ADGRB3: variants seen among roughly 807,000 people sequenced by gnomAD.
The protein encoded by ADGRB3 is brain-specific angiogenesis inhibitor 3.
A neutral mutation model predicts 193.4 loss-of-function variants in ADGRB3; 37 were observed. The ratio of observed to expected loss-of-function variants is 0.19; its 90% CI spans 0.15 to 0.25. The LOEUF (loss-of-function observed/expected upper bound fraction) is 0.25. ADGRB3 is among the 10% of genes least tolerant of loss of function. ADGRB3 has a pLI of 1.00. For synonymous variants in ADGRB3, 690 were observed against 644.2 expected (o/e 1.07, Z -1.08); for missense variants, 1,637 against 1,852.9 (o/e 0.88, Z 2.14).
intron 17 of ADGRB3, among the ~76,000 whole-genome samples, chr6:69,152,701 T>C (rs990462073): frequency 1.3e-5 from 2 of 152,222 alleles, no homozygotes; most frequent in Non-Finnish European, 1.5e-5. Flanking sequence ...TAAAAGTTGA[T>C]CCATCACAAA....
intron 3 of ADGRB3, among the ~76,000 whole-genome samples, chr6:68,826,159 T>C (rs1767840296): frequency 6.6e-6 from 1 of 152,154 alleles, no homozygotes; most frequent in African/African-American, 2.4e-5. Context: ...AAAGTCTCCA[T>C]TTTAGTAGGG....
chr6:69,285,242 G>T (rs1459063749), intron 20 of ADGRB3, among the ~76,000 whole-genome samples: 1 of 152,178 alleles, frequency 6.6e-6, no homozygotes, highest in Non-Finnish European at 1.5e-5. Context: ...ACAGAAACTA[G>T]CCTATGATGC....
At chr6:68,824,858 C>T (rs1767813213) in intron 3 of ADGRB3, among the ~76,000 whole-genome samples, 2 of 151,308 alleles carry the variant, frequency 1.3e-5, no homozygotes, top group Non-Finnish European at 1.5e-5. Flanking sequence ...TAATCTGAAC[C>T]TCCTTTTTCT....
intron 13 of ADGRB3, among the ~76,000 whole-genome samples, chr6:69,021,759 A>G (rs556711294): frequency 6.6e-6 from 1 of 152,014 alleles, no homozygotes; most frequent in African/African-American, 2.4e-5. Context: ...CTTTCTTCAA[A>G]AATAGTTCAA....
Position 69,354,224 on chromosome 6 carries a change from T to C in ADGRB3, c.3460-9T>C. 6.2e-7 allele frequency: 1 copy of C among 1,605,810 alleles called. No homozygotes were observed. The highest frequency in any genetic ancestry group is 8.5e-7 in the Non-Finnish European group (1 of 1,172,568). On this transcript the variant is annotated splice_polypyrimidine_tract_variant and intron_variant, in intron 26 of 31. Transcript: ENST00000370598. Reference sequence around the variant, plus strand: ...GAGAAGAAAATTAATGTGTTCCCCCTCCCCACAGGTTCAGGATGCATTTAG... The same window carrying C: ...GAGAAGAAAATTAATGTGTTCCCCCCCCCCACAGGTTCAGGATGCATTTAG...
chr6:68,996,305 A>T (rs1339659563), intron 11 of ADGRB3, among the ~76,000 whole-genome samples: 1 of 151,818 alleles, frequency 6.6e-6, no homozygotes, highest in African/African-American at 2.4e-5. Context: ...AGCCTACATG[A>T]TTTCTGTGGC....
chr6:68,938,821 T>C (rs1355419057), intron 5 of ADGRB3, among the ~76,000 whole-genome samples: 1 of 152,198 alleles, frequency 6.6e-6, no homozygotes, highest in Non-Finnish European at 1.5e-5. Context: ...TCAAGTTTTA[T>C]GTCCTTGACA....
At chr6:69,367,323 T>G (rs1174999534) in intron 29 of ADGRB3, among the ~76,000 whole-genome samples, 2 of 152,072 alleles carry the variant, frequency 1.3e-5, no homozygotes, top group Admixed American at 1.3e-4. Flanking sequence ...AAGCAAAAGA[T>G]TGTCACAATG....
At chr6:69,172,643 C>CAAAAAAAAAAAAAAAAAAAAAAAAA (rs70987454) in intron 17 of ADGRB3, among the ~76,000 whole-genome samples, 9 of 26,828 alleles carry the variant, frequency 3.4e-4, no homozygotes, top group African/African-American at 9.6e-4. Context: ...GACTCTGTCT[C>CAAAAAAAAAAAAAAAAAAAAAAAAA]AAAAAAAAAA....
intron 17 of ADGRB3, among the ~76,000 whole-genome samples, chr6:69,080,657 GA>G (rs3839464): frequency 0.18 from 26,776 of 147,806 alleles, 4,196 homozygotes; most frequent in East Asian, 0.81. Context: ...GAGCAGCAAT[GA>G]AAAAAAAAAG....
At chr6:69,181,205 A>T (rs1775572963) in intron 17 of ADGRB3, among the ~76,000 whole-genome samples, 1 of 151,978 alleles carries the variant, frequency 6.6e-6, no homozygotes, top group South Asian at 2.1e-4. Context: ...AATTTTCCTT[A>T]TTGAAATACA....
At chr6:68,671,816 T>C (rs1342740249) in intron 3 of ADGRB3, among the ~76,000 whole-genome samples, 1 of 152,060 alleles carries the variant, frequency 6.6e-6, no homozygotes, top group African/African-American at 2.4e-5. Flanking sequence ...TCCTCTCTTG[T>C]TCAGAATAGT....
chr6:68,901,499 G>A (rs1303097360), intron 3 of ADGRB3, among the ~76,000 whole-genome samples: 1 of 152,118 alleles, frequency 6.6e-6, no homozygotes, highest in Admixed American at 6.5e-5. Flanking sequence ...CTAAATCCAG[G>A]GGATTCACAC....
intron 13 of ADGRB3, among the ~76,000 whole-genome samples, chr6:69,035,305 C>T (rs1770834777): frequency 6.6e-6 from 1 of 152,078 alleles, no homozygotes; most frequent in Admixed American, 6.6e-5. Context: ...TGGTTAGGCA[C>T]ACATACTTCA....
At position 69,355,879 on chromosome 6, in the gene ADGRB3, T is replaced by C; in HGVS notation, c.3595+19T>C. 6.4e-7 allele frequency: 1 copy of C among 1,574,570 alleles called. No homozygotes were observed. Among genetic ancestry groups the C allele is most frequent in the Non-Finnish European group, 8.7e-7 (1 of 1,145,828 alleles). On this transcript the variant is annotated intron_variant, in intron 28 of 31. Coordinates refer to ENST00000370598, the MANE Select transcript of ADGRB3 (RefSeq NM_001704.3). ...CGATCAGGTAAGAATATTTAGATTT[T>C]GAAATCTAATCAGTAGGGATGTTCA...
intron 3 of ADGRB3, among the ~76,000 whole-genome samples, chr6:68,822,960 A>T (rs2127380861): frequency 6.6e-6 from 1 of 152,164 alleles, no homozygotes; most frequent in Admixed American, 6.5e-5. Flanking sequence ...CTAGGAATGT[A>T]GATGGCAGAA....
intron 17 of ADGRB3, among the ~76,000 whole-genome samples, chr6:69,184,674 G>T (rs923172535): frequency 1.3e-5 from 2 of 152,130 alleles, no homozygotes; most frequent in South Asian, 4.2e-4. Context: ...CAAAAGAGCA[G>T]GTGGCACATG....
intron 13 of ADGRB3, among the ~76,000 whole-genome samples, chr6:69,019,995 C>T (rs1449827467): frequency 2.0e-5 from 3 of 151,812 alleles, no homozygotes; most frequent in Non-Finnish European, 2.9e-5. Flanking sequence ...TTTTAAGGCA[C>T]GTGGAAGGAA....
chr6:68,731,550 C>T (rs1376623325), intron 3 of ADGRB3, among the ~76,000 whole-genome samples: 1 of 151,484 alleles, frequency 6.6e-6, no homozygotes, highest in Non-Finnish European at 1.5e-5. Context: ...TGATATACTT[C>T]AAATAAATAT....
Sources: gnomAD v4.1 joint callset for allele counts (sites outside exome capture counted in the v4.1 genomes callset) on GRCh38, gnomAD v4.1.1 for gene constraint, MANE v1.5 for transcripts, NCBI Gene and HGNC (gene_info 2026-07-23, HGNC 2026-07-21) for gene names.